Variants in DLC1 observed in about 807,000 individuals in gnomAD.
DLC1 encodes rho GTPase-activating protein 7.
A neutral mutation model predicts 140.3 loss-of-function variants in DLC1; 54 were observed. The observed-to-expected ratio is 0.38, with a 90% CI of 0.31 to 0.48. The LOEUF is 0.48. Among genes scored for constraint, DLC1 ranks in the 20% least tolerant of loss-of-function variants. The pLI, the probability that DLC1 is intolerant of heterozygous loss-of-function variation, is 0.96. For missense variants in DLC1, 2,536 were observed against 1,907.0 expected (o/e 1.33, Z -6.14); for synonymous variants, 986 against 728.1 (o/e 1.35, Z -5.70).
intron 4 of DLC1, among the ~76,000 whole-genome samples, chr8:13,374,844 ATTTG>A (rs1007184347): frequency 7.2e-5 from 11 of 152,022 alleles, no homozygotes; most frequent in Admixed American, 1.3e-4. Context: ...ATGTTCATTC[ATTTG>A]TTTGTGTTCT....
intron 1 of DLC1, among the ~76,000 whole-genome samples, chr8:13,598,555 A>G (rs1197484312): frequency 1.3e-5 from 2 of 152,068 alleles, no homozygotes; most frequent in Non-Finnish European, 2.9e-5. Context: ...TGATCTTGAA[A>G]ACATGGTAAA....
At chr8:13,445,827 C>T (rs562287645) in intron 2 of DLC1, among the ~76,000 whole-genome samples, 1 of 152,296 alleles carries the variant, frequency 6.6e-6, no homozygotes, top group East Asian at 1.9e-4. Flanking sequence ...CCTGAAATTT[C>T]TCCAAGGAGC....
At chr8:13,325,310 G>A (rs891122569) in intron 4 of DLC1, among the ~76,000 whole-genome samples, 3 of 152,292 alleles carry the variant, frequency 2.0e-5, no homozygotes, top group East Asian at 3.9e-4. Context: ...GAAACTGTTC[G>A]ATTATTTCAC....
At chr8:13,133,772 T>A in intron 5 of DLC1, among the ~76,000 whole-genome samples, 1 of 151,982 alleles carries the variant, frequency 6.6e-6, no homozygotes, top group Non-Finnish European at 1.5e-5. Flanking sequence ...CTGTCTTTTA[T>A]CCTGGCGGGA....
rs1228140237 is a variant in DLC1 at position 13,579,334 on chromosome 8, TATATATATATATATATATATATA to T, written c.-126+25180_-126+25202del. On this transcript the variant is annotated intron_variant, in intron 1 of 1. Coordinates refer to the DLC1 transcript ENST00000631382. ...CTGACTTTATATATATATATATATA[TATATATATATATATATATATATA>T]TATATTTTTATATAATACATATTTA... 8.1e-4 allele frequency among the ~76,000 whole-genome samples: 15 copies of T among 18,530 alleles called. 1 individual carries two copies. The highest frequency in any genetic ancestry group is 2.5e-3 in the African/African-American group (14 of 5,546). 12.2% of individuals were successfully genotyped at this position (18,530 alleles called of 152,430 possible).
chr8:13,215,450 G>T (rs1224235755), intron 5 of DLC1, among the ~76,000 whole-genome samples: 9 of 152,108 alleles, frequency 5.9e-5, no homozygotes, highest in African/African-American at 2.2e-4. Flanking sequence ...GCTGGGCGTG[G>T]TGGGGCACGT....
intron 4 of DLC1, among the ~76,000 whole-genome samples, chr8:13,348,758 AG>A: frequency 6.6e-6 from 1 of 152,342 alleles, no homozygotes; most frequent in South Asian, 2.1e-4. Context: ...CGAAGGTAAC[AG>A]GAAGACACAG....
At chr8:13,093,114 T>C (rs1818220789) in intron 12 of DLC1, among the ~76,000 whole-genome samples, 1 of 151,034 alleles carries the variant, frequency 6.6e-6, no homozygotes, top group Non-Finnish European at 1.5e-5. Context: ...CCTGCTCTTT[T>C]AGTTTACAGA....
intron 1 of DLC1, among the ~76,000 whole-genome samples, chr8:13,572,761 AG>A (rs1804707210): frequency 6.6e-6 from 1 of 152,118 alleles, no homozygotes; most frequent in Non-Finnish European, 1.5e-5. Context: ...GAATGGTCTT[AG>A]CACCCTTGTG....
At chr8:13,512,775 A>G (rs1158652129) in intron 1 of DLC1, among the ~76,000 whole-genome samples, 1 of 152,140 alleles carries the variant, frequency 6.6e-6, no homozygotes, top group African/African-American at 2.4e-5. Context: ...CTATTTTTAA[A>G]GAAACATCAG....
Position 13,372,770 on chromosome 8 carries a change from T to G in DLC1, c.1314+20783A>C, listed in dbSNP as rs570964185. On this transcript the variant is annotated intron_variant, in intron 4 of 17. Coordinates refer to ENST00000276297, the MANE Select transcript of DLC1 (RefSeq NM_182643.3). ...TAATATTTTCTTTAGCACAAGAGTT[T>G]TATTTATATAGAAAAGGGCCTATAT... Among the ~76,000 whole-genome samples, 22 of 152,326 alleles carry G rather than the reference T, an allele frequency of 1.4e-4. No homozygotes were observed. The East Asian group carries it at 4.0e-3, about 28-fold the overall frequency.
intron 1 of DLC1, among the ~76,000 whole-genome samples, chr8:13,595,297 C>G (rs1223613600): frequency 6.6e-6 from 1 of 151,904 alleles, no homozygotes; most frequent in Non-Finnish European, 1.5e-5. Flanking sequence ...ATTCTTCCCA[C>G]TGTGGTATTA....
At chr8:13,141,300 G>C (rs949403696) in intron 5 of DLC1, among the ~76,000 whole-genome samples, 10 of 125,132 alleles carry the variant, frequency 8.0e-5, no homozygotes, top group African/African-American at 3.1e-4. Flanking sequence ...CTGCTAAAAA[G>C]CTAGCAGAGA....
At chr8:13,342,977 G>T (rs552517630) in intron 4 of DLC1, among the ~76,000 whole-genome samples, 2 of 152,050 alleles carry the variant, frequency 1.3e-5, no homozygotes, top group Non-Finnish European at 2.9e-5. Flanking sequence ...GTGTGACTTG[G>T]TGAACCAAAC....
chr8:13,567,584 A>C (rs778316337), intron 1 of DLC1: 15 of 1,551,784 alleles, frequency 9.7e-6, no homozygotes, highest in Non-Finnish European at 1.3e-5. Flanking sequence ...ATATCTTATC[A>C]GTGTCCCTAT....
intron 1 of DLC1, among the ~76,000 whole-genome samples, chr8:13,603,556 G>C (rs753404137): frequency 4.6e-5 from 7 of 151,898 alleles, no homozygotes. Context: ...CAAAAAAGGT[G>C]CATGTTAAAT....
intron 5 of DLC1, among the ~76,000 whole-genome samples, chr8:13,250,756 A>G (rs945339394): frequency 6.6e-6 from 1 of 151,778 alleles, no homozygotes; most frequent in Non-Finnish European, 1.5e-5. Flanking sequence ...ATTAATGAGA[A>G]AAAAAGAAAG....
chr8:13,390,124 A>G (rs1481445973), intron 4 of DLC1, among the ~76,000 whole-genome samples: 1 of 152,170 alleles, frequency 6.6e-6, no homozygotes, highest in Admixed American at 6.5e-5. Context: ...TTCCAACCAT[A>G]AAATTGATCC....
chr8:13,567,043 C>G (rs1346144753), intron 1 of DLC1: 21 of 1,551,574 alleles, frequency 1.4e-5, no homozygotes, highest in Non-Finnish European at 1.8e-5. Flanking sequence ...TCTTGCAAAC[C>G]TTTCTGATGA....
Sources: gnomAD v4.1 joint callset for allele counts (sites outside exome capture counted in the v4.1 genomes callset) on GRCh38, gnomAD v4.1.1 for gene constraint, MANE v1.5 for transcripts, NCBI Gene and HGNC (gene_info 2026-07-23, HGNC 2026-07-21) for gene names.